FOXO1: variants seen among roughly 807,000 people sequenced by gnomAD.
FOXO1 encodes the protein forkhead box protein O1.
A neutral mutation model predicts 44.1 loss-of-function variants in FOXO1; 6 were observed. The observed-to-expected ratio is 0.14, with a 90% CI of 0.07 to 0.27. The LOEUF (loss-of-function observed/expected upper bound fraction) is 0.27, where lower values mean the gene tolerates loss of function less well. Ranked by LOEUF, FOXO1 falls within the 10% of genes least tolerant of loss-of-function variation. The pLI is 1.00. For synonymous variants in FOXO1, 380 were observed against 362.7 expected, an observed-to-expected ratio of 1.05 and a Z score of -0.54; for missense variants, 737 against 888.8, an observed-to-expected ratio of 0.83 and a Z score of 2.17.
intron 1 of FOXO1, among the ~76,000 whole-genome samples, chr13:40,585,060 T>TTC (rs1443286680): frequency 2.6e-5 from 4 of 152,148 alleles, no homozygotes; most frequent in Non-Finnish European, 1.5e-5. Context: ...GACAGGCAAG[T>TTC]ATGAGAAACA....
intron 1 of FOXO1, among the ~76,000 whole-genome samples, chr13:40,561,292 C>A (rs1365928828): frequency 7.1e-6 from 1 of 139,896 alleles, no homozygotes; most frequent in Non-Finnish European, 1.5e-5. Context: ...GCGGAGCTTG[C>A]AGTGAGGCGA....
chr13:40,604,384 CTT>C (rs376293825), intron 1 of FOXO1, among the ~76,000 whole-genome samples: 1 of 146,588 alleles, frequency 6.8e-6, no homozygotes. Context: ...GGTGTCAGAT[CTT>C]TTTTTTTTTT....
At chr13:40,646,633 C>A (rs1213123099) in intron 1 of FOXO1, among the ~76,000 whole-genome samples, 1 of 152,000 alleles carries the variant, frequency 6.6e-6, no homozygotes, top group Non-Finnish European at 1.5e-5. Flanking sequence ...CTGGCTCTGT[C>A]TCCAGGGTGG....
chr13:40,625,324 CTCTT>C, intron 1 of FOXO1, among the ~76,000 whole-genome samples: 1 of 152,304 alleles, frequency 6.6e-6, no homozygotes, highest in South Asian at 2.1e-4. Flanking sequence ...ACTCAAGGGT[CTCTT>C]TCTCCACCTA....
intron 1 of FOXO1, among the ~76,000 whole-genome samples, chr13:40,578,625 A>G (rs1437563326): frequency 3.9e-5 from 6 of 152,208 alleles, no homozygotes; most frequent in African/African-American, 1.2e-4. Context: ...AAAGCAGCAC[A>G]CTATGGCCTA....
rs749083337 is a variant in FOXO1, at chr13:40,560,888, T to C, written c.631-28A>G. 3 of 1,565,438 alleles carry C rather than the reference T, an allele frequency of 1.9e-6. No homozygotes were observed. The African/African-American group carries it at 4.1e-5, about 21-fold the overall frequency. ...GTAAGGCAAAACATCTTATTAGAAG[T>C]ACAATACTTCTCTGCTTGCAAAACT... On this transcript the variant is annotated intron_variant, in intron 1 of 2. Transcript: ENST00000379561. This position sits in a 1 kb window ranked among gnomAD's most constrained non-coding sequence, Gnocchi z 5.1.
chr13:40,571,329 G>A (rs553538996), intron 1 of FOXO1, among the ~76,000 whole-genome samples: 68 of 152,068 alleles, frequency 4.5e-4, no homozygotes, highest in African/African-American at 1.5e-3. Context: ...TATGTAACAA[G>A]CCTGCACATT....
At chr13:40,654,500 C>CAA (rs199597846) in intron 1 of FOXO1, among the ~76,000 whole-genome samples, 5 of 108,264 alleles carry the variant, frequency 4.6e-5, no homozygotes, top group Admixed American at 9.4e-5. Context: ...GACTCTGTCA[C>CAA]AAAAAAAAAA....
Position 40,608,538 on chromosome 13 carries a change from G to C in FOXO1, c.631-47678C>G, listed in dbSNP as rs151141190. Among the ~76,000 whole-genome samples the C allele has an allele frequency of 1.3e-3, 204 of 152,324 alleles. 1 individual carries two copies. The highest frequency in any genetic ancestry group is 3.4e-3 in the Middle Eastern group (1 of 294). On this transcript the variant is annotated intron_variant, in intron 1 of 2. Transcript: ENST00000379561. The stretch of plus-strand genomic sequence containing the variant: ...TGGAGCAAAAGCTAACTGATACAAT[G>C]TGTTATCCTTCAAGTCAAAAATGCA...
intron 1 of FOXO1, among the ~76,000 whole-genome samples, chr13:40,579,875 AC>A (rs1874894086): frequency 6.6e-6 from 1 of 152,200 alleles, no homozygotes; most frequent in Non-Finnish European, 1.5e-5. Flanking sequence ...TATTTACAAC[AC>A]CTGACAGTGA....
intron 1 of FOXO1, among the ~76,000 whole-genome samples, chr13:40,644,312 T>G (rs976160286): frequency 2.0e-5 from 3 of 152,120 alleles, no homozygotes; most frequent in Non-Finnish European, 4.4e-5. Context: ...AGGACTAGAC[T>G]CCTCCTCTCA....
At chr13:40,564,241 G>A (rs1874168912) in intron 1 of FOXO1, among the ~76,000 whole-genome samples, 1 of 151,312 alleles carries the variant, frequency 6.6e-6, no homozygotes, top group Non-Finnish European at 1.5e-5. Context: ...CATTCAAGAA[G>A]CGTTCACTAA....
chr13:40,651,409 G>C (rs1360581399), intron 1 of FOXO1, among the ~76,000 whole-genome samples: 1 of 152,074 alleles, frequency 6.6e-6, no homozygotes, highest in African/African-American at 2.4e-5. Context: ...TCACAGCAGG[G>C]AAAGTATCCA....
intron 1 of FOXO1, among the ~76,000 whole-genome samples, chr13:40,587,960 C>A (rs1473062688): frequency 6.6e-6 from 1 of 152,162 alleles, no homozygotes; most frequent in Non-Finnish European, 1.5e-5. Flanking sequence ...AGAGTCAATG[C>A]ACTAACATTT....
At chr13:40,662,538 G>A (rs1466624300) in intron 1 of FOXO1, among the ~76,000 whole-genome samples, 3 of 152,164 alleles carry the variant, frequency 2.0e-5, no homozygotes, top group Non-Finnish European at 4.4e-5. Flanking sequence ...ATTACAACAA[G>A]TGTAAGACAT....
chr13:40,664,298 C>T (rs1205277280), intron 1 of FOXO1, among the ~76,000 whole-genome samples: 1 of 152,160 alleles, frequency 6.6e-6, no homozygotes, highest in Non-Finnish European at 1.5e-5. Flanking sequence ...GTGTTTAGCT[C>T]AACTAGACAG....
intron 1 of FOXO1, among the ~76,000 whole-genome samples, chr13:40,655,222 T>C (rs553008866): frequency 2.0e-5 from 3 of 151,960 alleles, no homozygotes; most frequent in African/African-American, 7.2e-5. Context: ...ATTACAGGTG[T>C]GCCTGTAATC....
rs1873825854 is a variant in FOXO1, at chr13:40,558,036, C to T, written c.*1013G>A. 1 of 152,654 alleles carries T rather than the reference C, an allele frequency of 6.6e-6. No individual in the cohort carries two copies. The highest frequency in any genetic ancestry group is 2.4e-5 in the African/African-American group (1 of 41,458). 9.5% of individuals were successfully genotyped at this position (152,654 alleles called of 1,614,324 possible). On this transcript the variant is annotated 3_prime_UTR_variant, in exon 3 of 3. Transcript: ENST00000379561. ...ACCAGGGCCTGAAACGTTGAATATG[C>T]AAGTACTAATTACAATGATTTAAGA...
intron 1 of FOXO1, among the ~76,000 whole-genome samples, chr13:40,659,881 T>C (rs530724817): frequency 6.6e-6 from 1 of 152,290 alleles, no homozygotes; most frequent in African/African-American, 2.4e-5. Context: ...AATGTGTTTT[T>C]CATGTTTCCT....
Sources: allele counts gnomAD v4.1 joint callset (sites outside exome capture counted in the v4.1 genomes callset), GRCh38; gene constraint gnomAD v4.1.1; non-coding constraint Gnocchi (gnomAD v3.1); transcripts MANE v1.5; gene names NCBI Gene and HGNC (gene_info 2026-07-23, HGNC 2026-07-21).